The following RIMS1 variants were observed in gnomAD, a reference collection of about 807,000 sequenced individuals.
RIMS1 encodes regulating synaptic membrane exocytosis 1.
In RIMS1, 83 loss-of-function variants were observed where a neutral mutation model predicts 214.1. That is an observed-to-expected ratio of 0.39 (90% CI 0.32 to 0.47). RIMS1 has a LOEUF of 0.47. Among genes scored for constraint, RIMS1 ranks in the 20% least tolerant of loss-of-function variants. The pLI is 0.99. For synonymous variants in RIMS1, 793 were observed against 786.8 expected (o/e 1.01, Z -0.13); for missense variants, 2,050 against 2,161.8 (o/e 0.95, Z 1.03).
intron 4 of RIMS1, among the ~76,000 whole-genome samples, chr6:72,113,538 T>C (rs1253962281): frequency 6.6e-6 from 1 of 152,160 alleles, no homozygotes; most frequent in East Asian, 1.9e-4. Context: ...ATTGAATAAC[T>C]TTTAGCTTTT....
chr6:72,307,857 C>T (rs1420921099), intron 27 of RIMS1, among the ~76,000 whole-genome samples: 1 of 152,052 alleles, frequency 6.6e-6, no homozygotes, highest in Non-Finnish European at 1.5e-5. Flanking sequence ...TGTGATATAA[C>T]TTCATTGAAA....
chr6:71,905,253 T>G (rs970451082), intron 1 of RIMS1, among the ~76,000 whole-genome samples: 2 of 152,086 alleles, frequency 1.3e-5, no homozygotes, highest in African/African-American at 4.8e-5. Flanking sequence ...ATATCTCCAC[T>G]AAATTAGCAG....
At chr6:71,990,953 G>T (rs544166689) in intron 2 of RIMS1, among the ~76,000 whole-genome samples, 1 of 152,016 alleles carries the variant, frequency 6.6e-6, no homozygotes, top group Non-Finnish European at 1.5e-5. Flanking sequence ...AAACAATTAA[G>T]ATAACAGAAT....
chr6:72,185,674 G>T (rs1457754933), intron 6 of RIMS1, among the ~76,000 whole-genome samples: 1 of 152,186 alleles, frequency 6.6e-6, no homozygotes, highest in Non-Finnish European at 1.5e-5. Context: ...CTATGATAGA[G>T]ACAATGACAC....
intron 2 of RIMS1, among the ~76,000 whole-genome samples, chr6:72,086,518 A>T (rs2153785739): frequency 6.6e-6 from 1 of 152,312 alleles, no homozygotes; most frequent in South Asian, 2.1e-4. Flanking sequence ...TGACACCTGT[A>T]AACAACTTGT....
In RIMS1 at chr6:72,333,829, C is replaced by G; in HGVS notation, c.4360C>G (p.Gln1454Glu). 2 of 1,574,626 alleles carry G rather than the reference C, an allele frequency of 1.3e-6. No individual in the cohort carries two copies. The highest frequency in any genetic ancestry group is 1.7e-6 in the Non-Finnish European group (2 of 1,159,076). Residue 1454 changes from glutamine (Q) to glutamate (E), a missense_variant, in exon 29 of 34, where the codon CAA becomes GAA. By Grantham distance (29) the Gln-to-Glu change is conservative. Coordinates refer to ENST00000521978, the MANE Select transcript of RIMS1 (RefSeq NM_014989.7). ...RRSRSTSQLS[Q>E]TESGHKKLKS... ...GAGTAGAAGCACATCCCAGCTTAGT[C>G]AAACAGGTGAGTGATGTGAATTCAA...
intron 2 of RIMS1, among the ~76,000 whole-genome samples, chr6:72,013,878 G>T (rs1811762703): frequency 6.6e-6 from 1 of 152,008 alleles, no homozygotes; most frequent in Non-Finnish European, 1.5e-5. Context: ...ATTAGCAATT[G>T]TTCCCCATGT....
intron 6 of RIMS1, among the ~76,000 whole-genome samples, chr6:72,224,616 AC>A (rs1562754196): frequency 6.6e-6 from 1 of 152,144 alleles, no homozygotes; most frequent in African/African-American, 2.4e-5. Flanking sequence ...AATATTTAGG[AC>A]CCCTGGAAGA....
At chr6:71,941,359 A>C (rs1278407342) in intron 1 of RIMS1, among the ~76,000 whole-genome samples, 1 of 152,214 alleles carries the variant, frequency 6.6e-6, no homozygotes, top group African/African-American at 2.4e-5. Flanking sequence ...TTGTTTTACA[A>C]AAGTGGCAAT....
chr6:72,045,813 T>A (rs1402098927), intron 2 of RIMS1, among the ~76,000 whole-genome samples: 1 of 151,844 alleles, frequency 6.6e-6, no homozygotes, highest in African/African-American at 2.4e-5. Context: ...TTTGAATTTT[T>A]TATATATATT....
chr6:72,052,245 A>G (rs1416654436), intron 2 of RIMS1, among the ~76,000 whole-genome samples: 1 of 152,176 alleles, frequency 6.6e-6, no homozygotes, highest in Admixed American at 6.5e-5. Flanking sequence ...GTTACCAGTT[A>G]AAGACCTGCT....
At chr6:72,381,175 C>T (rs564454829) in intron 29 of RIMS1, among the ~76,000 whole-genome samples, 7 of 152,192 alleles carry the variant, frequency 4.6e-5, no homozygotes, top group Admixed American at 1.3e-4. Flanking sequence ...CATTTTGTTG[C>T]GTCTTCCTAG....
At chr6:72,317,030 GAAGA>G in intron 28 of RIMS1, 1 of 435,524 alleles carries the variant, frequency 2.3e-6, no homozygotes, top group Non-Finnish European at 4.5e-6. Flanking sequence ...ATGGGGCTGG[GAAGA>G]GGGCAGAGAG....
chr6:72,190,506 G>A (rs1308476194), intron 6 of RIMS1, among the ~76,000 whole-genome samples: 2 of 150,274 alleles, frequency 1.3e-5, no homozygotes, highest in African/African-American at 4.9e-5. Context: ...AAATAAAGGG[G>A]CTGTAGGGGC....
chr6:71,931,342 A>G (rs114763557), intron 1 of RIMS1, among the ~76,000 whole-genome samples: 3,122 of 152,156 alleles, frequency 0.021, 90 homozygotes, highest in African/African-American at 0.069. Flanking sequence ...ACACAATCTT[A>G]TTTTCAGTGA....
intron 19 of RIMS1, chr6:72,261,454 TTA>T: frequency 1.0e-6 from 1 of 981,602 alleles, no homozygotes; most frequent in Non-Finnish European, 1.2e-6. Flanking sequence ...GCCTGATGCT[TTA>T]TGTTAATCTC....
chr6:72,142,085 G>A (rs17725217), intron 4 of RIMS1, among the ~76,000 whole-genome samples: 17,870 of 151,866 alleles, frequency 0.12, 1,286 homozygotes, highest in South Asian at 0.18. Flanking sequence ...TCCTATAAGA[G>A]ATCACTGTTT....
intron 31 of RIMS1, 62 bp from the exon 32 acceptor site, chr6:72,398,187 T>C (rs1437596343): frequency 1.9e-6 from 2 of 1,035,054 alleles, no homozygotes; most frequent in African/African-American, 1.6e-5. Flanking sequence ...GCTCTCCTTT[T>C]TGTTTTAACT....
intron 1 of RIMS1, among the ~76,000 whole-genome samples, chr6:71,952,484 C>T (rs6935598): frequency 0.034 from 5,177 of 152,128 alleles, 284 homozygotes; most frequent in African/African-American, 0.12. Flanking sequence ...CTTCTGAAAT[C>T]GGGAAATTCG....
Sources: allele counts gnomAD v4.1 joint callset (sites outside exome capture counted in the v4.1 genomes callset), GRCh38; gene constraint gnomAD v4.1.1; transcripts MANE v1.5; gene names NCBI Gene and HGNC (gene_info 2026-07-23, HGNC 2026-07-21).